PRSS23: variants seen among roughly 807,000 people sequenced by gnomAD.
PRSS23 encodes the protein protease, serine 23.
A neutral mutation model predicts 34.7 loss-of-function variants in PRSS23; 25 were observed. The observed-to-expected ratio is 0.72, with a 90% CI of 0.53 to 1.01. PRSS23 has a LOEUF of 1.01. PRSS23 is among the 50% of genes least tolerant of loss of function. PRSS23 has a pLI of 0.00. For missense variants in PRSS23, 445 were observed against 475.6 expected, an observed-to-expected ratio of 0.94 and a Z score of 0.60; for synonymous variants, 176 against 186.6, an observed-to-expected ratio of 0.94 and a Z score of 0.46.
At chr11:86,878,085 A>G (rs918819548) in intron 2 of PRSS23, among the ~76,000 whole-genome samples, 12 of 152,198 alleles carry the variant, frequency 7.9e-5, no homozygotes, top group Admixed American at 4.6e-4. Flanking sequence ...TATTGTATCA[A>G]AATTGGAATT....
exon 3 of PRSS23, chr11:86,952,869 C>T (rs2135042671): frequency 6.3e-6 from 1 of 157,916 alleles, no homozygotes; most frequent in East Asian, 1.8e-4. Context: ...TTATTTTTAT[C>T]CCCGTTTCTT....
intron 2 of PRSS23, among the ~76,000 whole-genome samples, chr11:86,825,469 A>G (rs1484083384): frequency 2.6e-5 from 4 of 152,088 alleles, no homozygotes; most frequent in Admixed American, 2.0e-4. Context: ...TGCTGTGCAG[A>G]AGCTCTTTAG....
chr11:86,876,320 C>T (rs986615621), intron 2 of PRSS23, among the ~76,000 whole-genome samples: 3 of 152,190 alleles, frequency 2.0e-5, no homozygotes, highest in African/African-American at 7.2e-5. Flanking sequence ...GATTAAAGGA[C>T]TAGCCTATCT....
chr11:86,798,498 C>A (rs1947996796), upstream of PRSS23, among the ~76,000 whole-genome samples: 1 of 152,224 alleles, frequency 6.6e-6, no homozygotes, highest in African/African-American at 2.4e-5. Flanking sequence ...GGGCACCTCA[C>A]ACATCATGAG....
chr11:86,881,210 C>T (rs1262629928), intron 2 of PRSS23, among the ~76,000 whole-genome samples: 1 of 148,894 alleles, frequency 6.7e-6, no homozygotes, highest in Non-Finnish European at 1.5e-5. Context: ...TGAGGAAGTT[C>T]CCTCTAACTG....
chr11:86,892,722 T>C (rs1005124313), intron 2 of PRSS23, among the ~76,000 whole-genome samples: 3 of 133,462 alleles, frequency 2.2e-5, no homozygotes, highest in East Asian at 4.1e-4. Context: ...TTTATACTTA[T>C]TAATTATTAA....
At chr11:86,874,356 G>T (rs1948708549) in intron 2 of PRSS23, among the ~76,000 whole-genome samples, 1 of 152,190 alleles carries the variant, frequency 6.6e-6, no homozygotes, top group Admixed American at 6.5e-5. Context: ...TCAGATAAAT[G>T]ATGAAACATT....
intron 2 of PRSS23, among the ~76,000 whole-genome samples, chr11:86,943,783 G>A (rs1388062125): frequency 1.3e-5 from 2 of 151,970 alleles, no homozygotes; most frequent in Non-Finnish European, 2.9e-5. Context: ...TTGCTGCGAT[G>A]CCCAGGCTGA....
intron 2 of PRSS23, among the ~76,000 whole-genome samples, chr11:86,875,375 A>AT (rs1948716164): frequency 6.6e-6 from 1 of 152,130 alleles, no homozygotes; most frequent in Non-Finnish European, 1.5e-5. Context: ...CTGTCTCAAA[A>AT]ATATATATAT....
intron 1 of PRSS23, among the ~76,000 whole-genome samples, chr11:86,820,330 A>T (rs1948243520): frequency 6.6e-6 from 1 of 152,232 alleles, no homozygotes; most frequent in Admixed American, 6.5e-5. Context: ...ATCTGTAAGC[A>T]ATTAATACAA....
At chr11:86,950,928 G>A in intron 2 of PRSS23, 1 of 617,430 alleles carries the variant, frequency 1.6e-6, no homozygotes. Flanking sequence ...CCTCTAACTG[G>A]CTTTTCCATT....
intron 2 of PRSS23, among the ~76,000 whole-genome samples, chr11:86,851,825 A>G (rs1295820100): frequency 6.6e-6 from 1 of 152,106 alleles, no homozygotes; most frequent in African/African-American, 2.4e-5. Flanking sequence ...CACCTTCATA[A>G]TCTTTCTGTT....
intron 2 of PRSS23, among the ~76,000 whole-genome samples, chr11:86,839,054 A>AT (rs1948427933): frequency 7.4e-6 from 1 of 134,302 alleles, no homozygotes; most frequent in South Asian, 2.3e-4. Context: ...AAAGCAAAAA[A>AT]TTAAAAAAAA....
intron 2 of PRSS23, among the ~76,000 whole-genome samples, chr11:86,866,062 A>G (rs896663133): frequency 2.0e-5 from 3 of 152,094 alleles, no homozygotes; most frequent in Non-Finnish European, 4.4e-5. Context: ...GTGGCCTCCT[A>G]AATCTAAATT....
At chr11:86,848,106 C>T (rs1453428303) in intron 2 of PRSS23, among the ~76,000 whole-genome samples, 1 of 152,208 alleles carries the variant, frequency 6.6e-6, no homozygotes, top group Non-Finnish European at 1.5e-5. Flanking sequence ...CACATGCATG[C>T]CCCCTTCTCA....
chr11:86,798,505 T>C (rs974266245), upstream of PRSS23, among the ~76,000 whole-genome samples: 2 of 152,214 alleles, frequency 1.3e-5, no homozygotes, highest in African/African-American at 4.8e-5. Context: ...TCACACATCA[T>C]GAGAGTGGCA....
At chr11:86,879,075 C>A (rs11234851) in intron 2 of PRSS23, among the ~76,000 whole-genome samples, 7,576 of 118,214 alleles carry the variant, frequency 0.064, 298 homozygotes, top group East Asian at 0.14. Context: ...TCTGCCCGGC[C>A]GCCATCCCGT....
At chr11:86,846,831 T>C (rs540189377) in intron 2 of PRSS23, among the ~76,000 whole-genome samples, 4 of 152,342 alleles carry the variant, frequency 2.6e-5, no homozygotes, top group Admixed American at 2.0e-4. Context: ...ATTTGATGGC[T>C]ATTTTGAAGG....
At chr11:86,895,477 C>CTTTTTTTTTTTT (rs71040269) in intron 2 of PRSS23, among the ~76,000 whole-genome samples, 4 of 86,628 alleles carry the variant, frequency 4.6e-5, no homozygotes, top group Non-Finnish European at 6.2e-5. Flanking sequence ...TTATTTTATC[C>CTTTTTTTTTTTT]TTTTTTTTTT....
Sources: gnomAD v4.1 joint callset for allele counts (sites outside exome capture counted in the v4.1 genomes callset) on GRCh38, gnomAD v4.1.1 for gene constraint, MANE v1.5 for transcripts, NCBI Gene and HGNC (gene_info 2026-07-23, HGNC 2026-07-21) for gene names.